Variants in THAP12 observed in about 807,000 individuals in gnomAD.
THAP12 encodes the protein 52 kDa repressor of the inhibitor of the protein kinase.
In THAP12, 20 loss-of-function variants were observed where a neutral mutation model predicts 63.0. The ratio of observed to expected loss-of-function variants is 0.32; its 90% CI spans 0.22 to 0.46. The LOEUF is 0.46. Among genes scored for constraint, THAP12 ranks in the 20% least tolerant of loss-of-function variants. The pLI is 1.00. For missense variants in THAP12, 568 were observed against 908.2 expected (o/e 0.63, Z 4.81); for synonymous variants, 264 against 328.4 (o/e 0.80, Z 2.12).
At chr11:76,355,694 TTAAA>T in intron 3 of THAP12, 40 bp from the exon 4 acceptor site, 1 of 1,516,774 alleles carries the variant, frequency 6.6e-7, no homozygotes, top group Non-Finnish European at 8.9e-7. Context: ...CAAATCATCT[TTAAA>T]AAACTGACCT....
chr11:76,379,273 C>T (rs1946732496), intron 1 of THAP12, among the ~76,000 whole-genome samples: 1 of 152,196 alleles, frequency 6.6e-6, no homozygotes, highest in African/African-American at 2.4e-5. Context: ...TGGATTATTA[C>T]AACAGCCTTT....
chr11:76,352,568 A>C lies in THAP12; in HGVS notation c.582T>G (p.Gly194=), dbSNP rs1183710148. The change falls in exon 5 of 5, where the codon GGT becomes GGG. Residue 194 remains glycine (G), a synonymous_variant. Transcript: ENST00000260045. ...DGHEADEIPE[G]LFTPDNFQAL... ...CCTGAAAGTTATCTGGAGTAAAGAG[A>C]CCTTCTGGGATTTCATCAGCCTCAT... 1.2e-6 allele frequency: 2 copies of C among 1,611,838 alleles called. No homozygotes were observed. The highest frequency in any genetic ancestry group is 1.3e-5 in the African/African-American group (1 of 74,836).
intron 3 of THAP12, chr11:76,357,970 AG>A (rs1454468175): frequency 6.6e-6 from 1 of 152,178 alleles, no homozygotes; most frequent in African/African-American, 2.4e-5. Flanking sequence ...ATAGTTCATA[AG>A]TACAACAATC....
In THAP12 at chr11:76,352,171, C is replaced by T; in HGVS notation, c.979G>A (p.Gly327Ser). Reference sequence around the variant, plus strand: ...CCACTAGAGACAATGTAAGCCTGGCCACGACAATACTCCATATTTAATCCC... The same window carrying T: ...CCACTAGAGACAATGTAAGCCTGGCTACGACAATACTCCATATTTAATCCC... ...KWGLNMEYCR[G>S]QAYIVSSGFS... is the part of the protein sequence containing the mutation. Residue 327 changes from glycine (G) to serine (S), a missense_variant, in exon 5 of 5, where the codon GGC becomes AGC. Coordinates refer to ENST00000260045, the MANE Select transcript of THAP12 (RefSeq NM_004705.4). The T allele has an allele frequency of 6.2e-7, 1 of 1,609,980 alleles. No individual in the cohort carries two copies. The highest frequency in any genetic ancestry group is 8.5e-7 in the Non-Finnish European group (1 of 1,178,772).
chr11:76,353,804 T>A (rs931139064), intron 4 of THAP12, among the ~76,000 whole-genome samples: 5 of 151,710 alleles, frequency 3.3e-5, no homozygotes, highest in Non-Finnish European at 5.9e-5. Flanking sequence ...AGGTCAGGAG[T>A]TTGAGACCAG....
At chr11:76,374,527 T>C (rs910665632) in intron 1 of THAP12, among the ~76,000 whole-genome samples, 3 of 152,216 alleles carry the variant, frequency 2.0e-5, no homozygotes, top group African/African-American at 7.2e-5. Context: ...TTATCAGTTG[T>C]TCTCCTTGAA....
At chr11:76,359,385 T>C (rs1946582773) in intron 3 of THAP12, 1 of 152,240 alleles carries the variant, frequency 6.6e-6, no homozygotes, top group African/African-American at 2.4e-5. Flanking sequence ...TAGTTTATAC[T>C]GTAACAGTAA....
At chr11:76,376,195 A>C (rs1026306213) in intron 1 of THAP12, among the ~76,000 whole-genome samples, 1 of 152,270 alleles carries the variant, frequency 6.6e-6, no homozygotes, top group African/African-American at 2.4e-5. Context: ...AGGTTAAATT[A>C]GCAAATTCTG....
intron 1 of THAP12, among the ~76,000 whole-genome samples, chr11:76,376,627 T>G (rs905922404): frequency 2.7e-5 from 4 of 148,712 alleles, no homozygotes; most frequent in African/African-American, 7.5e-5. Context: ...TTTTTTTGTT[T>G]TTTTTTTTTT....
At chr11:76,352,907 T>A (rs1946537526) in intron 4 of THAP12, 113 bp from the exon 5 acceptor site, 1 of 1,271,248 alleles carries the variant, frequency 7.9e-7, no homozygotes, top group African/African-American at 1.5e-5. Flanking sequence ...CATTCAATAT[T>A]CATAGGGTAT....
intron 1 of THAP12, among the ~76,000 whole-genome samples, chr11:76,373,439 G>A (rs1450566321): frequency 6.6e-6 from 1 of 151,848 alleles, no homozygotes; most frequent in Non-Finnish European, 1.5e-5. Flanking sequence ...CTTCAGGCTG[G>A]GCGTGGTGTC....
At position 76,352,527 on chromosome 11, in the gene THAP12, C is replaced by T. The variant is rs1209048993; in HGVS notation, c.623G>A (p.Arg208Gln). Residue 208 changes from arginine (R) to glutamine (Q), a missense_variant, in exon 5 of 5, where the codon CGG (arginine) becomes CAG (glutamine). Arg to Gln is a conservative substitution (Grantham distance 43). Coordinates refer to ENST00000260045, the MANE Select transcript of THAP12 (RefSeq NM_004705.4). ...CAGAACCTCTTCACCAGAATTTATC[C>T]GACACTCCAGCAGTGCCTGAAAGTT... ...PDNFQALLEC[R>Q]INSGEEVLRK... The T allele has an allele frequency of 1.6e-5, 25 of 1,611,982 alleles. No individual in the cohort carries two copies. The highest frequency in any genetic ancestry group is 4.5e-5 in the East Asian group (2 of 44,884).
intron 3 of THAP12, chr11:76,358,807 T>TA (rs1460230512): frequency 7.3e-5 from 11 of 150,510 alleles, no homozygotes; most frequent in South Asian, 2.1e-4. Flanking sequence ...GACCCCATCT[T>TA]AAAAAAAAAC....
At chr11:76,364,376 T>C (rs1189365720) in intron 2 of THAP12, 1 of 436,658 alleles carries the variant, frequency 2.3e-6, no homozygotes, top group Non-Finnish European at 4.5e-6. Context: ...CAATTAATTT[T>C]GAGAAATAAA....
chr11:76,370,992 T>C (rs530141699), intron 1 of THAP12, among the ~76,000 whole-genome samples: 3 of 152,112 alleles, frequency 2.0e-5, no homozygotes, highest in Non-Finnish European at 2.9e-5. Flanking sequence ...GCTCTCCCTG[T>C]CATTGTTCTG....
At chr11:76,362,333 A>C (rs969315048) in intron 2 of THAP12, among the ~76,000 whole-genome samples, 2 of 152,374 alleles carry the variant, frequency 1.3e-5, no homozygotes, top group South Asian at 4.1e-4. Context: ...TTGTTCACCC[A>C]AGGAAGGGAG....
At chr11:76,362,252 A>G (rs1946602564) in intron 2 of THAP12, among the ~76,000 whole-genome samples, 1 of 152,250 alleles carries the variant, frequency 6.6e-6, no homozygotes, top group African/African-American at 2.4e-5. Flanking sequence ...GCTTTCTTTG[A>G]AGCAGTGATT....
At chr11:76,355,694 T>C in intron 3 of THAP12, 40 bp from the exon 4 acceptor site, 1 of 1,516,774 alleles carries the variant, frequency 6.6e-7, no homozygotes, top group Non-Finnish European at 8.9e-7. Context: ...CAAATCATCT[T>C]TAAAAAACTG....
At chr11:76,377,300 C>T (rs1342317854) in intron 1 of THAP12, among the ~76,000 whole-genome samples, 1 of 152,178 alleles carries the variant, frequency 6.6e-6, no homozygotes, top group Non-Finnish European at 1.5e-5. Context: ...AAACTAATGG[C>T]AATTAACACA....
Sources: allele counts gnomAD v4.1 joint callset (sites outside exome capture counted in the v4.1 genomes callset), GRCh38; gene constraint gnomAD v4.1.1; transcripts MANE v1.5; gene names NCBI Gene and HGNC (gene_info 2026-07-23, HGNC 2026-07-21).